The following ZNF521 variants were observed in gnomAD, a reference collection of about 807,000 sequenced individuals.
The protein encoded by ZNF521 is zinc finger protein 521, also known as LYST-interacting protein 3.
In ZNF521, 14 loss-of-function variants were observed where a neutral mutation model predicts 105.5. The ratio of observed to expected loss-of-function variants is 0.13; its 90% CI spans 0.09 to 0.21. ZNF521 has a LOEUF of 0.21. ZNF521 is among the 10% of genes least tolerant of loss of function. The pLI, the probability that ZNF521 is intolerant of heterozygous loss-of-function variation, is 1.00. For missense variants in ZNF521, 1,233 were observed against 1,629.7 expected, an observed-to-expected ratio of 0.76 and a Z score of 4.19; for synonymous variants, 635 against 606.0, an observed-to-expected ratio of 1.05 and a Z score of -0.70.
chr18:25,274,159 G>T (rs1909883694), intron 3 of ZNF521, among the ~76,000 whole-genome samples: 1 of 152,144 alleles, frequency 6.6e-6, no homozygotes, highest in Middle Eastern at 3.2e-3. Context: ...TCTGCTATAA[G>T]AATTATTGAT....
chr18:25,346,091 T>C (rs1914450323), intron 2 of ZNF521, among the ~76,000 whole-genome samples: 1 of 152,126 alleles, frequency 6.6e-6, no homozygotes, highest in Non-Finnish European at 1.5e-5. Flanking sequence ...CTAAAAATAA[T>C]TTTGAGGGAA....
intron 7 of ZNF521, among the ~76,000 whole-genome samples, chr18:25,085,308 A>G (rs1255296645): frequency 2.0e-5 from 3 of 151,438 alleles, no homozygotes; most frequent in Non-Finnish European, 2.9e-5. Context: ...ATATATCTGT[A>G]TATGTAGAAC....
chr18:25,224,430 T>C lies in ZNF521; in HGVS notation c.3488A>G (p.Glu1163Gly). The change falls in exon 4 of 8, where the codon GAG becomes GGG. Residue 1163 changes from glutamate to glycine, a missense_variant. By Grantham distance (98) the Glu-to-Gly change is moderately conservative. Around this residue, in one of 6 missense-constraint regions of ZNF521, gnomAD observed 614 missense variants for 751.5 expected, o/e 0.82. Coordinates refer to ENST00000361524, the MANE Select transcript of ZNF521 (RefSeq NM_015461.3). Reference protein sequence around the residue: ...LQNHIQTIHRELVPDSNSTQL... With the variant: ...LQNHIQTIHRGLVPDSNSTQL... ...TGTGCTGTTGCTGTCTGGCACGAGC[T>C]CTCGGTGGATGGTTTGGATGTGGTT... is the stretch of plus-strand genomic sequence containing the variant. 6.2e-7 allele frequency: 1 copy of C among 1,614,034 alleles called. No individual in the cohort carries two copies. Among genetic ancestry groups the C allele is most frequent in the Non-Finnish European group, 8.5e-7 (1 of 1,180,002 alleles).
At chr18:25,131,814 G>A (rs935474201) in intron 5 of ZNF521, among the ~76,000 whole-genome samples, 3 of 152,098 alleles carry the variant, frequency 2.0e-5, no homozygotes, top group African/African-American at 4.8e-5. Context: ...TGTATATATA[G>A]TGAACTCTTG....
chr18:25,296,626 A>T (rs1471344630), intron 3 of ZNF521, among the ~76,000 whole-genome samples: 1 of 152,178 alleles, frequency 6.6e-6, no homozygotes, highest in East Asian at 1.9e-4. Context: ...CAGGTCACAC[A>T]ATGGTGTACA....
At chr18:25,149,324 T>C (rs2035003348) in intron 5 of ZNF521, among the ~76,000 whole-genome samples, 1 of 152,206 alleles carries the variant, frequency 6.6e-6, no homozygotes, top group Non-Finnish European at 1.5e-5. Flanking sequence ...AATGATTCTT[T>C]CCTCATAGAA....
At chr18:25,342,796 T>C (rs113717035) in intron 2 of ZNF521, among the ~76,000 whole-genome samples, 1 of 152,210 alleles carries the variant, frequency 6.6e-6, no homozygotes, top group Non-Finnish European at 1.5e-5. Flanking sequence ...ATAAAAAGCA[T>C]ATGTCTGATA....
intron 3 of ZNF521, among the ~76,000 whole-genome samples, chr18:25,253,614 A>T (rs548766861): frequency 1.3e-5 from 2 of 152,150 alleles, no homozygotes; most frequent in African/African-American, 4.8e-5. Flanking sequence ...TGAGGAAAAG[A>T]CATGGTTCCA....
chr18:25,215,707 A>G (rs1243499096), intron 4 of ZNF521, among the ~76,000 whole-genome samples: 1 of 152,208 alleles, frequency 6.6e-6, no homozygotes, highest in East Asian at 1.9e-4. Flanking sequence ...CTAGAACTGG[A>G]GGTAAGTACA....
At position 25,344,204 on chromosome 18, in the gene ZNF521, T is replaced by TA. The variant is rs200619989; in HGVS notation, c.40+6702dup. 7.8e-3 allele frequency among the ~76,000 whole-genome samples: 1,099 copies of TA among 141,296 alleles called. 11 individuals carry two copies. Among genetic ancestry groups the TA allele is most frequent in the African/African-American group, 0.019 (730 of 38,250 alleles). The allele number at this position is 141,296 out of a possible 152,430, so 92.7% of individuals were successfully genotyped here. A position where few individuals can be genotyped will look rare whatever the true frequency, so the allele number is the denominator to read the frequency against. ...GGTGCCTAAAATTAAAGTTTTTTAT[T>TA]AAAAAAAAAAAAAAAGCTGCGATTC... On this transcript the variant is annotated intron_variant, in intron 2 of 7. Transcript: ENST00000361524.
chr18:25,319,115 C>G (rs1912798213), intron 3 of ZNF521, among the ~76,000 whole-genome samples: 2 of 152,078 alleles, frequency 1.3e-5, no homozygotes, highest in Non-Finnish European at 2.9e-5. Context: ...TGAAGGGACT[C>G]CCATTGGCTA....
At chr18:25,303,538 T>G (rs534090208) in intron 3 of ZNF521, among the ~76,000 whole-genome samples, 13 of 152,256 alleles carry the variant, frequency 8.5e-5, no homozygotes, top group African/African-American at 2.9e-4. Flanking sequence ...TCTCATGATC[T>G]GCCCGTCTCG....
chr18:25,062,768 A>AAAAAAAAAAAAAAAAAC, intron 7 of ZNF521, 27 bp from the exon 8 acceptor site: 1 of 1,474,590 alleles, frequency 6.8e-7, no homozygotes, highest in Non-Finnish European at 9.0e-7. Flanking sequence ...AAAAAAAAAA[A>AAAAAAAAAAAAAAAAAC]AAAAAAAAAA....
chr18:25,234,184 C>T (rs373423165), intron 3 of ZNF521, among the ~76,000 whole-genome samples: 17 of 152,284 alleles, frequency 1.1e-4, no homozygotes, highest in East Asian at 5.8e-4. Context: ...GATAAGCACC[C>T]ACCTCTTGGC....
At chr18:25,350,651 GGTT>G (rs1445612223) in intron 2 of ZNF521, among the ~76,000 whole-genome samples, 2 of 139,128 alleles carry the variant, frequency 1.4e-5, no homozygotes, top group East Asian at 2.1e-4. Flanking sequence ...TTTTTTTTTC[GGTT>G]GTTGTTGTCT....
At chr18:25,271,315 G>A in intron 3 of ZNF521, among the ~76,000 whole-genome samples, 1 of 152,100 alleles carries the variant, frequency 6.6e-6, no homozygotes, top group East Asian at 1.9e-4. Context: ...GTAGGAAGAA[G>A]CAATATCATG....
At chr18:25,290,487 C>T (rs1910948734) in intron 3 of ZNF521, among the ~76,000 whole-genome samples, 1 of 152,094 alleles carries the variant, frequency 6.6e-6, no homozygotes, top group African/African-American at 2.4e-5. Flanking sequence ...AGAGTACTGA[C>T]TGCAAATGAG....
At chr18:25,243,143 C>T (rs1907462765) in intron 3 of ZNF521, among the ~76,000 whole-genome samples, 1 of 152,114 alleles carries the variant, frequency 6.6e-6, no homozygotes. Context: ...CTCAATTTTC[C>T]CTTATGGTTA....
At chr18:25,324,633 G>A (rs1180546591) in intron 2 of ZNF521, among the ~76,000 whole-genome samples, 2 of 152,186 alleles carry the variant, frequency 1.3e-5, no homozygotes, top group Admixed American at 6.5e-5. Flanking sequence ...TCAGGGAAAT[G>A]TCGCTGTTAG....
Sources: gnomAD v4.1 joint callset for allele counts (sites outside exome capture counted in the v4.1 genomes callset) on GRCh38, gnomAD v4.1.1 for gene constraint, gnomAD v4.1.1 regional missense constraint, MANE v1.5 for transcripts, NCBI Gene and HGNC (gene_info 2026-07-23, HGNC 2026-07-21) for gene names.